Variants in BBS9 observed in about 807,000 individuals in gnomAD.
BBS9 encodes Bardet-Biedl syndrome 9.
BBS9 carries 89 observed loss-of-function variants against 117.7 expected under a neutral mutation model. That is an observed-to-expected ratio of 0.76 (90% CI 0.64 to 0.90). The LOEUF is 0.90. Ranked by LOEUF, BBS9 falls within the 40% of genes least tolerant of loss-of-function variation. The pLI is 0.00. For missense variants in BBS9, 982 were observed against 1,042.2 expected (o/e 0.94, Z 0.80); for synonymous variants, 379 against 370.9 (o/e 1.02, Z -0.25).
At chr7:33,183,493 A>G (rs937450809) in intron 5 of BBS9, among the ~76,000 whole-genome samples, 2 of 152,144 alleles carry the variant, frequency 1.3e-5, no homozygotes, top group African/African-American at 4.8e-5. Flanking sequence ...ACCTCTTATT[A>G]CCCTACTTTA....
chr7:33,401,459 G>A (rs976037964), intron 19 of BBS9, among the ~76,000 whole-genome samples: 2 of 151,840 alleles, frequency 1.3e-5, no homozygotes, highest in Non-Finnish European at 2.9e-5. Flanking sequence ...AAGGTGGTTG[G>A]GCTACAGCTT....
intron 19 of BBS9, among the ~76,000 whole-genome samples, chr7:33,413,566 T>C (rs1049304258): frequency 4.6e-5 from 7 of 152,142 alleles, no homozygotes; most frequent in African/African-American, 1.4e-4. Context: ...GAGCATCTTA[T>C]GGGGTTTGCC....
intron 19 of BBS9, among the ~76,000 whole-genome samples, chr7:33,496,077 G>T (rs975931953): frequency 6.6e-6 from 1 of 152,092 alleles, no homozygotes; most frequent in Non-Finnish European, 1.5e-5. Context: ...TTAGTGTTTC[G>T]AAGGATCAGG....
chr7:33,334,510 A>G (rs1814871739), intron 9 of BBS9, among the ~76,000 whole-genome samples: 1 of 152,082 alleles, frequency 6.6e-6, no homozygotes, highest in African/African-American at 2.4e-5. Context: ...ACTCAGAGGG[A>G]AGGGAAGATT....
intron 4 of BBS9, among the ~76,000 whole-genome samples, chr7:33,168,434 C>T (rs1447292505): frequency 1.3e-5 from 2 of 152,220 alleles, no homozygotes; most frequent in Middle Eastern, 3.4e-3. Context: ...CTTTTTCCTC[C>T]TCCTTTTTTT....
intron 19 of BBS9, among the ~76,000 whole-genome samples, chr7:33,398,638 A>G (rs1463908627): frequency 6.6e-6 from 1 of 152,234 alleles, no homozygotes; most frequent in Admixed American, 6.5e-5. Flanking sequence ...AATTTGTTCA[A>G]GTCACAAATG....
At chr7:33,555,518 T>C (rs73109655) in intron 21 of BBS9, among the ~76,000 whole-genome samples, 14,700 of 152,216 alleles carry the variant, frequency 0.097, 813 homozygotes, top group African/African-American at 0.15. Flanking sequence ...GCTCAGACTT[T>C]GGAAGCAGCA....
intron 4 of BBS9, among the ~76,000 whole-genome samples, chr7:33,163,608 T>A (rs1211242089): frequency 6.6e-6 from 1 of 152,200 alleles, no homozygotes; most frequent in Non-Finnish European, 1.5e-5. Context: ...ATTTTCTAGT[T>A]TTTTTGCATA....
intron 19 of BBS9, among the ~76,000 whole-genome samples, chr7:33,467,304 CA>C (rs1371278574): frequency 6.6e-6 from 1 of 151,998 alleles, no homozygotes; most frequent in Non-Finnish European, 1.5e-5. Flanking sequence ...CCCAGAATGA[CA>C]TGCTATATCC....
intron 7 of BBS9, among the ~76,000 whole-genome samples, chr7:33,269,111 C>A (rs541470924): frequency 2.0e-5 from 3 of 152,284 alleles, no homozygotes; most frequent in African/African-American, 7.2e-5. Flanking sequence ...CATATACTGG[C>A]AATATTTGCC....
rs1882038 is a variant in BBS9, at chr7:33,551,450, C to T, written c.2521+17274C>T. ...TTCCCTTTCAAAATAAGATAAGACA[C>T]CAGATTGTGATCTTTTTTAAAACTT... is the stretch of plus-strand genomic sequence containing the variant. On this transcript the variant is annotated intron_variant, in intron 21 of 22. Coordinates refer to ENST00000242067, the MANE Select transcript of BBS9 (RefSeq NM_198428.3). Among the ~76,000 whole-genome samples the T allele has an allele frequency of 4.4e-3, 669 of 152,200 alleles. 5 individuals are homozygous for T. The highest frequency in any genetic ancestry group is 0.016 in the African/African-American group (656 of 41,520).
chr7:33,477,869 G>T (rs1490227119), intron 19 of BBS9, among the ~76,000 whole-genome samples: 3 of 152,194 alleles, frequency 2.0e-5, no homozygotes, highest in Non-Finnish European at 4.4e-5. Flanking sequence ...ATAGCCATCA[G>T]AAATGGGGAA....
chr7:33,216,347 A>G (rs1023334589), intron 5 of BBS9, among the ~76,000 whole-genome samples: 4 of 152,158 alleles, frequency 2.6e-5, no homozygotes, highest in Admixed American at 6.6e-5. Context: ...TCCCAAACCT[A>G]GGCCTCAGTC....
At chr7:33,627,773 G>T (rs1865710669) in intron 21 of BBS9, among the ~76,000 whole-genome samples, 1 of 152,182 alleles carries the variant, frequency 6.6e-6, no homozygotes, top group Non-Finnish European at 1.5e-5. Context: ...CACACAGGCT[G>T]GGCATGGGGG....
At chr7:33,415,825 T>C (rs546953149) in intron 19 of BBS9, among the ~76,000 whole-genome samples, 12 of 152,282 alleles carry the variant, frequency 7.9e-5, no homozygotes, top group Non-Finnish European at 1.8e-4. Context: ...TTTTAAAACA[T>C]TTTTTTAATT....
At chr7:33,534,345 TC>T (rs1484213786) in intron 21 of BBS9, 169 bp downstream of exon 21, 14 of 710,278 alleles carry the variant, frequency 2.0e-5, no homozygotes, top group Non-Finnish European at 3.2e-5. Context: ...TGAATAAATA[TC>T]CCTGAGATAT....
chr7:33,443,536 T>G (rs946607611), intron 19 of BBS9, among the ~76,000 whole-genome samples: 1 of 152,228 alleles, frequency 6.6e-6, no homozygotes. Context: ...TAGAACTGCA[T>G]GTAAAATTGT....
downstream of BBS9, among the ~76,000 whole-genome samples, chr7:33,609,050 G>A (rs1310935273): frequency 6.6e-6 from 1 of 151,954 alleles, no homozygotes; most frequent in Admixed American, 6.6e-5. Context: ...TGACAGATAG[G>A]GGTCCAGTTT....
chr7:33,489,013 G>A (rs1288442947), intron 19 of BBS9, among the ~76,000 whole-genome samples: 1 of 109,968 alleles, frequency 9.1e-6, no homozygotes, highest in Admixed American at 1.1e-4. Flanking sequence ...TTTTTTTTGA[G>A]ATGAAGTCTC....
Sources: gnomAD v4.1 joint callset for allele counts (sites outside exome capture counted in the v4.1 genomes callset) on GRCh38, gnomAD v4.1.1 for gene constraint, MANE v1.5 for transcripts, NCBI Gene and HGNC (gene_info 2026-07-23, HGNC 2026-07-21) for gene names.